The following GALNT13 variants were observed in gnomAD, a reference collection of about 807,000 sequenced individuals.
GALNT13 encodes the protein UDP-GalNAc:polypeptide N-acetylgalactosaminyltransferase 13.
In GALNT13, 28 loss-of-function variants were observed where a neutral mutation model predicts 64.2. That is an observed-to-expected ratio of 0.44 (90% CI 0.32 to 0.60). The LOEUF (loss-of-function observed/expected upper bound fraction) is 0.60. GALNT13 is among the 20% of genes least tolerant of loss of function. The probability of loss-of-function intolerance (pLI) is 0.05; values close to 1 mark genes in which losing one functional copy is unlikely to be tolerated. For missense variants in GALNT13, 577 were observed against 669.8 expected, an observed-to-expected ratio of 0.86 and a Z score of 1.53; for synonymous variants, 214 against 224.6, an observed-to-expected ratio of 0.95 and a Z score of 0.42.
At chr2:154,320,562 G>T (rs189768159) in intron 9 of GALNT13, among the ~76,000 whole-genome samples, 1 of 152,250 alleles carries the variant, frequency 6.6e-6, no homozygotes, top group African/African-American at 2.4e-5. Flanking sequence ...GTAGTAAAGG[G>T]TGGTGGCTGT....
chr2:153,257,131 C>A, the GALNT13 span, among the ~76,000 whole-genome samples: 1 of 152,228 alleles, frequency 6.6e-6, no homozygotes, highest in South Asian at 2.1e-4. Flanking sequence ...CCCTCCGAGC[C>A]AGGTGCCGGA....
the GALNT13 span, among the ~76,000 whole-genome samples, chr2:153,765,137 G>A: frequency 3.3e-5 from 5 of 152,212 alleles, no homozygotes; most frequent in Admixed American, 3.3e-4. Flanking sequence ...GTCCCCATTG[G>A]TGCACTGCCT....
chr2:153,274,275 G>A, the GALNT13 span, among the ~76,000 whole-genome samples: 2 of 152,170 alleles, frequency 1.3e-5, no homozygotes, highest in Non-Finnish European at 2.9e-5. Context: ...CCTGCCAGGT[G>A]TTTATGTCAG....
chr2:153,236,818 C>A, the GALNT13 span, among the ~76,000 whole-genome samples: 1 of 152,030 alleles, frequency 6.6e-6, no homozygotes. Flanking sequence ...TTATTACTTT[C>A]AAGTGTTATT....
At chr2:154,153,384 G>T (rs564905774) in intron 4 of GALNT13, among the ~76,000 whole-genome samples, 2 of 152,170 alleles carry the variant, frequency 1.3e-5, no homozygotes, top group Non-Finnish European at 2.9e-5. Flanking sequence ...CAGGGGTCAG[G>T]GACCCACTTG....
chr2:153,883,255 C>T (rs1686906391), intron 1 of GALNT13, among the ~76,000 whole-genome samples: 1 of 151,404 alleles, frequency 6.6e-6, no homozygotes, highest in African/African-American at 2.4e-5. Flanking sequence ...TCTATCAATT[C>T]TAATAAAAAT....
chr2:153,134,674 C>T, the GALNT13 span, among the ~76,000 whole-genome samples: 25 of 152,220 alleles, frequency 1.6e-4, no homozygotes, highest in East Asian at 2.1e-3. Flanking sequence ...GCCCCTTAGA[C>T]GCCCAAGCCC....
chr2:153,710,468 A>T, the GALNT13 span, among the ~76,000 whole-genome samples: 1 of 152,144 alleles, frequency 6.6e-6, no homozygotes, highest in South Asian at 2.1e-4. Context: ...AAGGATCTCA[A>T]TAAGTCCCAA....
At chr2:153,412,151 C>A in the GALNT13 span, among the ~76,000 whole-genome samples, 1 of 152,166 alleles carries the variant, frequency 6.6e-6, no homozygotes, top group Non-Finnish European at 1.5e-5. Context: ...GCTCCTCAAG[C>A]TTGCAGACAG....
At chr2:153,858,564 G>T in the GALNT13 span, among the ~76,000 whole-genome samples, 9 of 152,168 alleles carry the variant, frequency 5.9e-5, no homozygotes, top group East Asian at 1.5e-3. Context: ...CTGAGAGAGA[G>T]AGATCATATT....
chr2:154,274,863 TG>T (rs1573999004), intron 8 of GALNT13, among the ~76,000 whole-genome samples: 1 of 151,994 alleles, frequency 6.6e-6, no homozygotes, highest in African/African-American at 2.4e-5. Context: ...CAGGAAGATG[TG>T]GGAAAGTTTG....
chr2:153,407,098 A>ATG, the GALNT13 span, among the ~76,000 whole-genome samples: 2 of 152,144 alleles, frequency 1.3e-5, no homozygotes, highest in Non-Finnish European at 2.9e-5. Context: ...TGTTATTTTC[A>ATG]TTTCCATTTC....
intron 3 of GALNT13, among the ~76,000 whole-genome samples, chr2:154,099,890 T>C (rs1220456591): frequency 6.6e-6 from 1 of 152,046 alleles, no homozygotes; most frequent in Non-Finnish European, 1.5e-5. Context: ...CAGTGAGCTG[T>C]GTTTTCCACT....
chr2:154,012,300 G>C (rs1285797264), intron 3 of GALNT13, among the ~76,000 whole-genome samples: 3 of 151,872 alleles, frequency 2.0e-5, no homozygotes, highest in African/African-American at 7.2e-5. Flanking sequence ...TGTCTGAAAA[G>C]AATTTTATTT....
At chr2:154,368,696 C>G (rs570904149) in intron 9 of GALNT13, among the ~76,000 whole-genome samples, 1 of 152,146 alleles carries the variant, frequency 6.6e-6, no homozygotes, top group Non-Finnish European at 1.5e-5. Flanking sequence ...TTTCTTATTA[C>G]TAAAATGAAG....
At chr2:153,578,150 G>C in the GALNT13 span, among the ~76,000 whole-genome samples, 1 of 151,952 alleles carries the variant, frequency 6.6e-6, no homozygotes, top group Non-Finnish European at 1.5e-5. Context: ...ACATATATGC[G>C]ATAAGTGATT....
the GALNT13 span, among the ~76,000 whole-genome samples, chr2:153,428,761 GA>G: frequency 6.6e-6 from 1 of 152,070 alleles, no homozygotes; most frequent in Non-Finnish European, 1.5e-5. Flanking sequence ...TCCTAGTAAG[GA>G]AAAAAACTTC....
the GALNT13 span, among the ~76,000 whole-genome samples, chr2:153,809,209 C>T: frequency 3.9e-5 from 6 of 152,204 alleles, no homozygotes; most frequent in Non-Finnish European, 5.9e-5. Context: ...TCGAATCTTT[C>T]AGCCTACATT....
At chr2:153,484,010 A>G in the GALNT13 span, among the ~76,000 whole-genome samples, 1 of 152,172 alleles carries the variant, frequency 6.6e-6, no homozygotes, top group Admixed American at 6.5e-5. Flanking sequence ...GTACATATAA[A>G]AATTGTTAAA....
Sources: gnomAD v4.1 joint callset for allele counts (sites outside exome capture counted in the v4.1 genomes callset) on GRCh38, gnomAD v4.1.1 for gene constraint, MANE v1.5 for transcripts, NCBI Gene and HGNC (gene_info 2026-07-23, HGNC 2026-07-21) for gene names.